Variants in NT5C1A observed in about 807,000 individuals in gnomAD.
NT5C1A encodes 5'-nucleotidase, cytosolic IA.
Under a neutral mutation model 31.0 loss-of-function variants are expected in NT5C1A, and 18 were observed. That is an observed-to-expected ratio of 0.58 (90% CI 0.40 to 0.86). The LOEUF (loss-of-function observed/expected upper bound fraction) is 0.86. NT5C1A is among the 40% of genes least tolerant of loss of function. NT5C1A has a pLI of 0.00. For synonymous variants in NT5C1A, 185 were observed against 203.6 expected (o/e 0.91, Z 0.78); for missense variants, 470 against 505.4 (o/e 0.93, Z 0.67).
At chr1:39,668,162 G>T (rs1646533210) in intron 1 of NT5C1A, among the ~76,000 whole-genome samples, 1 of 152,160 alleles carries the variant, frequency 6.6e-6, no homozygotes. Context: ...GTGGTGGAGT[G>T]GGGAGACCCA....
intron 4 of NT5C1A, among the ~76,000 whole-genome samples, chr1:39,661,778 A>G (rs1646494197): frequency 6.6e-6 from 1 of 152,124 alleles, no homozygotes; most frequent in Non-Finnish European, 1.5e-5. Flanking sequence ...TGGTTCTAGC[A>G]AGTCACTCAC....
chr1:39,662,138 C>G (rs1025610041), intron 4 of NT5C1A, among the ~76,000 whole-genome samples: 1 of 152,240 alleles, frequency 6.6e-6, no homozygotes, highest in Non-Finnish European at 1.5e-5. Context: ...TCCCTAGTCT[C>G]CATCTCTTCA....
chr1:39,666,107 C>G lies in NT5C1A; in HGVS notation c.265G>C (p.Glu89Gln). 2 of 1,613,664 alleles carry G rather than the reference C, an allele frequency of 1.2e-6. No individual in the cohort carries two copies. Among genetic ancestry groups the G allele is most frequent in the Non-Finnish European group, 1.7e-6 (2 of 1,179,964 alleles). Residue 89 changes from glutamate to glutamine, a missense_variant, in exon 2 of 6, where the codon GAA becomes CAA. Glu to Gln is a conservative substitution (Grantham distance 29, BLOSUM62 2). Coordinates refer to ENST00000235628, the MANE Select transcript of NT5C1A (RefSeq NM_032526.3). ...YVRYQLEHEN[E>Q]PFSPGPAFPF... The stretch of plus-strand genomic sequence containing the variant: ...AAGGCTGGCCCGGGACTGAAGGGTT[C>G]GTTCTCATGTTCCAGCTGGTAGCGC...
chr1:39,662,046 T>C (rs1209071407), intron 4 of NT5C1A, among the ~76,000 whole-genome samples: 3 of 152,190 alleles, frequency 2.0e-5, no homozygotes, highest in African/African-American at 7.2e-5. Flanking sequence ...TCTCAGGGGT[T>C]CAGGCTCCAG....
At position 39,657,153 on chromosome 1, in the gene NT5C1A, C is replaced by T. The variant is rs1474724109; in HGVS notation, c.*1968G>A. On this transcript the variant is annotated 3_prime_UTR_variant, in exon 6 of 6. Transcript: ENST00000235628. ...GTGGGTATCTGTCCCAGTCACTCCA[C>T]ACAGCCATACCCTTCCTCCCTGGGA... 6.6e-6 allele frequency among the ~76,000 whole-genome samples: 1 copy of T among 152,248 alleles called. No homozygotes were observed. Among genetic ancestry groups the T allele is most frequent in the Non-Finnish European group, 1.5e-5 (1 of 68,048 alleles).
At chr1:39,670,367 G>A (rs1466828182) in intron 1 of NT5C1A, among the ~76,000 whole-genome samples, 1 of 152,188 alleles carries the variant, frequency 6.6e-6, no homozygotes, top group African/African-American at 2.4e-5. Context: ...CTCTTTGATG[G>A]AACAGATCAC....
intron 1 of NT5C1A, among the ~76,000 whole-genome samples, chr1:39,669,661 G>A (rs1646540454): frequency 6.6e-6 from 1 of 152,196 alleles, no homozygotes; most frequent in African/African-American, 2.4e-5. Flanking sequence ...ACTGACAACT[G>A]GGCCTGAGCT....
At position 39,666,208 on chromosome 1, in the gene NT5C1A, G is replaced by A. The variant is rs1287665766; in HGVS notation, c.164C>T (p.Ala55Val). 1.2e-6 allele frequency: 2 copies of A among 1,613,480 alleles called. No individual in the cohort carries two copies. The highest frequency in any genetic ancestry group is 2.7e-5 in the African/African-American group (2 of 74,930). ...SPKPQNAVTI[A>V]VSSRALFRMD... ...GCGAAACAAGGCTCGGGAGGACACA[G>A]CGATGGTGACTGCATTCTGAGGCTT... Residue 55 changes from alanine (A) to valine (V), a missense_variant, in exon 2 of 6, where the codon GCT becomes GTT. Ala to Val is a moderately conservative substitution (Grantham distance 64). Transcript: ENST00000235628.
rs1404565018 is a variant in NT5C1A, at chr1:39,653,502, A to C, written c.*5619T>G. Among the ~76,000 whole-genome samples the C allele has an allele frequency of 2.0e-5, 3 of 152,208 alleles. No homozygotes were observed. Among genetic ancestry groups the C allele is most frequent in the Non-Finnish European group, 4.4e-5 (3 of 68,036 alleles). ...TTAATATGTGTGCATCCATACACACAATCACAGTAATTGCCGGCAAGAGCA... is the reference window on the plus strand; with the variant it reads ...TTAATATGTGTGCATCCATACACACCATCACAGTAATTGCCGGCAAGAGCA... On this transcript the variant is annotated 3_prime_UTR_variant, in exon 6 of 6. Transcript: ENST00000235628.
chr1:39,664,637 T>G (rs951373047), intron 3 of NT5C1A, among the ~76,000 whole-genome samples: 3 of 145,106 alleles, frequency 2.1e-5, no homozygotes, highest in African/African-American at 7.7e-5. Flanking sequence ...GGATTACAGG[T>G]GTGCGCCACC....
In NT5C1A at chr1:39,656,359, A is replaced by G. The variant is rs1646458923; in HGVS notation, c.*2762T>C. Reference sequence around the variant, plus strand: ...TCTAAGACAATCAGAAGGCCCGTGTAACTGCTGCCTAAGACTGCCCCTCAG... The same window carrying G: ...TCTAAGACAATCAGAAGGCCCGTGTGACTGCTGCCTAAGACTGCCCCTCAG... On this transcript the variant is annotated 3_prime_UTR_variant, in exon 6 of 6. Transcript: ENST00000235628. Among the ~76,000 whole-genome samples the G allele has an allele frequency of 6.6e-6, 1 of 152,210 alleles. No individual in the cohort carries two copies. The highest frequency in any genetic ancestry group is 1.5e-5 in the Non-Finnish European group (1 of 68,036).
intron 3 of NT5C1A, among the ~76,000 whole-genome samples, chr1:39,664,486 TTCTCCTCCTCTCC>T (rs1570459455): frequency 3.3e-3 from 5 of 1,496 alleles, no homozygotes; most frequent in South Asian, 0.022. Flanking sequence ...CAGAGTGGAT[TTCTCCTCCTCTCC>T]TCTCCTCTCC....
In NT5C1A at chr1:39,654,645, C is replaced by G. The variant is rs1194062462; in HGVS notation, c.*4476G>C. Among the ~76,000 whole-genome samples the G allele has an allele frequency of 2.0e-5, 3 of 152,196 alleles. No homozygotes were observed. Among genetic ancestry groups the G allele is most frequent in the Non-Finnish European group, 4.4e-5 (3 of 68,028 alleles). The stretch of plus-strand genomic sequence containing the variant: ...GAGCCATGGGTCGCTTGAAAATAGT[C>G]AAAACTTGGAATCTTCAGATGGGCA... On this transcript the variant is annotated 3_prime_UTR_variant, in exon 6 of 6. Transcript: ENST00000235628.
In NT5C1A at chr1:39,653,389, C is replaced by T. The variant is rs182129513; in HGVS notation, c.*5732G>A. On this transcript the variant is annotated 3_prime_UTR_variant, in exon 6 of 6. Coordinates refer to ENST00000235628, the MANE Select transcript of NT5C1A (RefSeq NM_032526.3). ...TACACATAGTGAGTACACACACACA[C>T]ACAGAGTCATTGGCTGAGATATCTG... Among the ~76,000 whole-genome samples, 62 of 152,276 alleles carry T rather than the reference C, an allele frequency of 4.1e-4. No homozygotes were observed. The highest frequency in any genetic ancestry group is 4.9e-4 in the Non-Finnish European group (33 of 68,010).
intron 1 of NT5C1A, among the ~76,000 whole-genome samples, chr1:39,670,003 G>A (rs917782769): frequency 6.6e-5 from 10 of 152,114 alleles, no homozygotes; most frequent in Non-Finnish European, 1.5e-4. Flanking sequence ...AATAAACTTT[G>A]AATTCAATAT....
At chr1:39,659,616 T>C (rs367553515) in intron 5 of NT5C1A, 130 bp from the exon 6 acceptor site, 6 of 1,116,882 alleles carry the variant, frequency 5.4e-6, no homozygotes, top group South Asian at 1.6e-5. Context: ...CAGTTAGCTC[T>C]GCTTATGCCT....
intron 3 of NT5C1A, among the ~76,000 whole-genome samples, chr1:39,664,269 T>C (rs984185889): frequency 1.3e-5 from 2 of 151,038 alleles, no homozygotes; most frequent in Non-Finnish European, 2.9e-5. Context: ...TTCTCCTGCC[T>C]CAGCCTCCCG....
Position 39,663,431 on chromosome 1 carries a change from A to C in NT5C1A, c.437T>G (p.Leu146Arg), listed in dbSNP as rs1646502302. ...RLINSINHYD[L>R]FIERFCMTGG... Reference sequence around the variant, plus strand: ...TGTCATGCAGAACCTCTCGATGAACAGGTCTGGGAAGGAGGTAAAGGACCC... The same window carrying C: ...TGTCATGCAGAACCTCTCGATGAACCGGTCTGGGAAGGAGGTAAAGGACCC... The change falls in exon 4 of 6, where the codon CTG (leucine) becomes CGG (arginine). Residue 146 changes from leucine (L) to arginine (R), a missense_variant. Transcript: ENST00000235628. 1 of 1,613,962 alleles carries C rather than the reference A, an allele frequency of 6.2e-7. No homozygotes were observed. Among genetic ancestry groups the C allele is most frequent in the Non-Finnish European group, 8.5e-7 (1 of 1,179,956 alleles).
At chr1:39,664,288 G>C (rs915750024) in intron 3 of NT5C1A, among the ~76,000 whole-genome samples, 1 of 150,294 alleles carries the variant, frequency 6.7e-6, no homozygotes, top group Non-Finnish European at 1.5e-5. Flanking sequence ...CGAGTAGCTG[G>C]GACCACAGGC....
Sources: allele counts gnomAD v4.1 joint callset (sites outside exome capture counted in the v4.1 genomes callset), GRCh38; gene constraint gnomAD v4.1.1; transcripts MANE v1.5; gene names NCBI Gene and HGNC (gene_info 2026-07-23, HGNC 2026-07-21).